The following ANKS1B variants were observed in gnomAD, a reference collection of about 807,000 sequenced individuals.
ANKS1B encodes the protein ankyrin repeat and sterile alpha motif domain containing 1B, also known as ankyrin repeat and sterile alpha motif domain-containing protein 1B.
In ANKS1B, 36 loss-of-function variants were observed where a neutral mutation model predicts 148.3. The observed-to-expected ratio is 0.24, with a 90% CI of 0.19 to 0.32. The LOEUF (loss-of-function observed/expected upper bound fraction) is 0.32. Ranked by LOEUF, ANKS1B falls within the 10% of genes least tolerant of loss-of-function variation. ANKS1B has a pLI of 1.00. For synonymous variants in ANKS1B, 542 were observed against 560.8 expected, an observed-to-expected ratio of 0.97 and a Z score of 0.47; for missense variants, 1,157 against 1,542.6, an observed-to-expected ratio of 0.75 and a Z score of 4.19.
At chr12:99,946,854 A>G (rs558330779) in intron 1 of ANKS1B, among the ~76,000 whole-genome samples, 1 of 152,272 alleles carries the variant, frequency 6.6e-6, no homozygotes, top group East Asian at 1.9e-4. Flanking sequence ...ATGGAGTACT[A>G]CCACCACTGC....
rs143892680 is a variant in ANKS1B at position 99,365,340 on chromosome 12, T to C, written c.1756+34291A>G. 1.5e-3 allele frequency among the ~76,000 whole-genome samples: 230 copies of C among 152,272 alleles called. 1 individual carries two copies. Among genetic ancestry groups the C allele is most frequent in the African/African-American group, 5.3e-3 (220 of 41,560 alleles). On this transcript the variant is annotated intron_variant, in intron 12 of 26. Transcript: ENST00000683438. Reference sequence around the variant, plus strand: ...AGACATTGAGTCACCCAAGTACATATATCAGCACAATCTGATAGACCAATT... The same window carrying C: ...AGACATTGAGTCACCCAAGTACATACATCAGCACAATCTGATAGACCAATT...
chr12:99,189,047 G>A (rs1258034657), intron 14 of ANKS1B, among the ~76,000 whole-genome samples: 2 of 152,156 alleles, frequency 1.3e-5, no homozygotes, highest in African/African-American at 4.8e-5. Flanking sequence ...ACTACCATCA[G>A]AGCATACTAT....
intron 8 of ANKS1B, among the ~76,000 whole-genome samples, chr12:99,680,348 C>T (rs1004985122): frequency 2.0e-5 from 3 of 151,844 alleles, no homozygotes; most frequent in South Asian, 2.1e-4. Flanking sequence ...GGCTGAGGTG[C>T]GAGGATCACC....
chr12:98,840,992 C>T (rs1431663036), intron 17 of ANKS1B, among the ~76,000 whole-genome samples: 1 of 152,134 alleles, frequency 6.6e-6, no homozygotes, highest in Non-Finnish European at 1.5e-5. Flanking sequence ...CTAATAGCAT[C>T]TGAAAAGTGC....
intron 12 of ANKS1B, among the ~76,000 whole-genome samples, chr12:99,265,991 T>C (rs1034742710): frequency 1.3e-5 from 2 of 152,208 alleles, no homozygotes; most frequent in African/African-American, 4.8e-5. Context: ...CTTCCCATAC[T>C]AATACAGATA....
At chr12:99,140,524 C>T (rs939953486) in intron 15 of ANKS1B, among the ~76,000 whole-genome samples, 6 of 152,138 alleles carry the variant, frequency 3.9e-5, no homozygotes, top group Non-Finnish European at 7.4e-5. Context: ...GGAACAGGCA[C>T]TCTTGTCACC....
intron 12 of ANKS1B, among the ~76,000 whole-genome samples, chr12:99,322,863 C>A (rs1276333425): frequency 6.6e-6 from 1 of 152,184 alleles, no homozygotes; most frequent in East Asian, 1.9e-4. Flanking sequence ...GTGAGTAAGT[C>A]TCACAAGATA....
At chr12:99,254,126 A>G (rs956558185) in intron 12 of ANKS1B, among the ~76,000 whole-genome samples, 3 of 152,186 alleles carry the variant, frequency 2.0e-5, no homozygotes, top group African/African-American at 7.2e-5. Context: ...CATAAACAAT[A>G]TTATTGGGTA....
At chr12:99,464,175 C>T in intron 10 of ANKS1B, among the ~76,000 whole-genome samples, 1 of 152,304 alleles carries the variant, frequency 6.6e-6, no homozygotes, top group East Asian at 1.9e-4. Flanking sequence ...GATACCCAGG[C>T]AAACAGGGTC....
intron 1 of ANKS1B, among the ~76,000 whole-genome samples, chr12:99,928,810 G>A (rs1023744532): frequency 6.6e-6 from 1 of 152,124 alleles, no homozygotes; most frequent in Non-Finnish European, 1.5e-5. Flanking sequence ...AACTCCAGGT[G>A]ACTTTTCTTT....
Position 98,788,657 on chromosome 12 carries a change from C to T in ANKS1B, c.3343-6520G>A, listed in dbSNP as rs891479801. 2.6e-5 allele frequency among the ~76,000 whole-genome samples: 4 copies of T among 152,312 alleles called. No individual in the cohort carries two copies. In the East Asian group the frequency reaches 7.7e-4, roughly 29 times the overall value. On this transcript the variant is annotated intron_variant, in intron 22 of 26. Coordinates refer to ENST00000683438, the MANE Select transcript of ANKS1B (RefSeq NM_001352186.2). ...CACATGCTCTGGAGCACAAGTCTGG[C>T]ACAGCACAAAGCGGTGCCCTCCGTT...
chr12:99,042,133 A>C (rs1406593899), intron 17 of ANKS1B, among the ~76,000 whole-genome samples: 1 of 151,842 alleles, frequency 6.6e-6, no homozygotes, highest in Non-Finnish European at 1.5e-5. Flanking sequence ...ACCCTTCCCT[A>C]CTCTCAAGCT....
intron 17 of ANKS1B, among the ~76,000 whole-genome samples, chr12:98,982,096 A>G (rs1446168559): frequency 1.3e-5 from 2 of 152,270 alleles, no homozygotes; most frequent in Admixed American, 6.5e-5. Flanking sequence ...AGTCACTGAT[A>G]TAAGTGGAAT....
At chr12:98,799,049 C>A (rs1444755820) in intron 21 of ANKS1B, 44 bp from the exon 22 acceptor site, 2 of 1,371,154 alleles carry the variant, frequency 1.5e-6, no homozygotes, top group Non-Finnish European at 2.0e-6. Context: ...ATGGAATATA[C>A]ATATGAGTAA....
At position 99,259,208 on chromosome 12, in the gene ANKS1B, G is replaced by C. The variant is rs373133757; in HGVS notation, c.1757-12344C>G. 1.5e-3 allele frequency among the ~76,000 whole-genome samples: 224 copies of C among 152,316 alleles called. 2 individuals are homozygous for C. Among genetic ancestry groups the C allele is most frequent in the African/African-American group, 5.1e-3 (214 of 41,588 alleles). ...TCCTATCCAAGTAGCACTGGAGCTT[G>C]AAAACCACCCAGTGGGCCTCTTTCC... On this transcript the variant is annotated intron_variant, in intron 12 of 26. Transcript: ENST00000683438.
chr12:99,190,372 C>A (rs1042497944), intron 14 of ANKS1B, among the ~76,000 whole-genome samples: 2 of 152,080 alleles, frequency 1.3e-5, no homozygotes, highest in Non-Finnish European at 2.9e-5. Context: ...CAAAAAAGAG[C>A]CCATATATCC....
chr12:99,721,739 A>T (rs2058106908), intron 8 of ANKS1B, among the ~76,000 whole-genome samples: 1 of 152,248 alleles, frequency 6.6e-6, no homozygotes, highest in Non-Finnish European at 1.5e-5. Flanking sequence ...TGCGCATGAA[A>T]CTTGGTGAAG....
At chr12:99,396,401 T>A (rs570598078) in intron 12 of ANKS1B, among the ~76,000 whole-genome samples, 1 of 152,318 alleles carries the variant, frequency 6.6e-6, no homozygotes, top group East Asian at 1.9e-4. Context: ...TTTTCCTTTT[T>A]AATGTAAAGC....
chr12:99,196,582 TTC>T (rs1185067075), intron 14 of ANKS1B, among the ~76,000 whole-genome samples: 1 of 148,384 alleles, frequency 6.7e-6, no homozygotes, highest in Non-Finnish European at 1.5e-5. Flanking sequence ...TCTGGATGCT[TTC>T]TGTTTTTTTT....
Sources: gnomAD v4.1 joint callset for allele counts (sites outside exome capture counted in the v4.1 genomes callset) on GRCh38, gnomAD v4.1.1 for gene constraint, MANE v1.5 for transcripts, NCBI Gene and HGNC (gene_info 2026-07-23, HGNC 2026-07-21) for gene names.